WDR26: variants seen among roughly 807,000 people sequenced by gnomAD.
WDR26 encodes the protein WD repeat-containing protein 26.
In WDR26, 5 loss-of-function variants were observed where a neutral mutation model predicts 84.1. The ratio of observed to expected loss-of-function variants is 0.06; its 90% confidence interval spans 0.03 to 0.13. WDR26 has a LOEUF of 0.13. WDR26 is among the 10% of genes least tolerant of loss of function. WDR26 has a pLI of 1.00. For missense variants in WDR26, 642 were observed against 974.9 expected (o/e 0.66, Z 4.55); for synonymous variants, 415 against 389.6 (o/e 1.07, Z -0.77).
chr1:224,409,916 T>C (rs1411557973), intron 7 of WDR26, among the ~76,000 whole-genome samples: 6 of 152,126 alleles, frequency 3.9e-5, no homozygotes, highest in East Asian at 3.9e-4. Flanking sequence ...GCTCCCTTTT[T>C]CTATTTTTCT....
intron 4 of WDR26, among the ~76,000 whole-genome samples, chr1:224,423,607 A>T (rs2102918497): frequency 6.6e-6 from 1 of 152,268 alleles, no homozygotes; most frequent in Middle Eastern, 3.4e-3. Context: ...AATTAGCCAC[A>T]TGTGGTGGTA....
In WDR26 at chr1:224,389,372, C is replaced by T. The variant is rs1281184887; in HGVS notation, c.*463G>A. 3.5e-6 allele frequency: 1 copy of T among 289,176 alleles called. No individual in the cohort carries two copies. Among genetic ancestry groups the T allele is most frequent in the Non-Finnish European group, 6.3e-6 (1 of 158,308 alleles). 17.9% of individuals were successfully genotyped at this position (289,176 alleles called of 1,614,324 possible). On this transcript the variant is annotated 3_prime_UTR_variant, in exon 14 of 14. Transcript: ENST00000414423. ...AATAAGGCGGAAAGATTTGGAGAAACAAAAGAAGGAAATTCTTTCCTATCC... is the reference window on the plus strand; with the variant it reads ...AATAAGGCGGAAAGATTTGGAGAAATAAAAGAAGGAAATTCTTTCCTATCC...
intron 7 of WDR26, among the ~76,000 whole-genome samples, chr1:224,406,449 G>A (rs1187853359): frequency 6.6e-6 from 1 of 152,138 alleles, no homozygotes; most frequent in African/African-American, 2.4e-5. Flanking sequence ...AAAAAGTTGG[G>A]AACTAGTCTG....
chr1:224,406,325 A>G (rs1453605046), intron 7 of WDR26, among the ~76,000 whole-genome samples: 2 of 152,228 alleles, frequency 1.3e-5, no homozygotes, highest in Non-Finnish European at 2.9e-5. Context: ...GAATTTGACT[A>G]AAGGTGGGAA....
chr1:224,433,173 G>A (rs981708309), intron 1 of WDR26, among the ~76,000 whole-genome samples: 5 of 152,094 alleles, frequency 3.3e-5, no homozygotes, highest in Non-Finnish European at 5.9e-5. Flanking sequence ...ACACTTGTAG[G>A]TGATTGTCTT....
At chr1:224,397,147 T>G (rs371962134) in intron 12 of WDR26, among the ~76,000 whole-genome samples, 14 of 152,262 alleles carry the variant, frequency 9.2e-5, no homozygotes, top group African/African-American at 3.1e-4. Context: ...TAAAACCAGA[T>G]TCAGTATATA....
intron 1 of WDR26, 68 bp downstream of exon 1, chr1:224,433,616 T>TCCCCAAACCCCCCCCCCC: frequency 1.8e-6 from 1 of 557,420 alleles, no homozygotes; most frequent in South Asian, 2.9e-5. Flanking sequence ...CTCCGCCCCT[T>TCCCCAAACCCCCCCCCCC]CCCCTACCCC....
intron 9 of WDR26, 32 bp downstream of exon 9, chr1:224,400,916 AAC>A: frequency 6.2e-7 from 1 of 1,604,042 alleles, no homozygotes; most frequent in Non-Finnish European, 8.5e-7. Flanking sequence ...CTTTTAAACC[AAC>A]AGATACTGGG....
In WDR26 at chr1:224,389,892, G is replaced by A. The variant is rs778765988; in HGVS notation, c.2261-32C>T. Reference sequence around the variant, plus strand: ...GAAGACAAGATGAAATGTATGGGGGGCGGGCGGGGGAGGGAAGAGGGGAAG... The same window carrying A: ...GAAGACAAGATGAAATGTATGGGGGACGGGCGGGGGAGGGAAGAGGGGAAG... On this transcript the variant is annotated intron_variant, in intron 13 of 13. Coordinates refer to ENST00000414423, the MANE Select transcript of WDR26 (RefSeq NM_001379403.1). The A allele has an allele frequency of 8.8e-6, 12 of 1,367,168 alleles. 1 individual carries two copies. Among genetic ancestry groups the A allele is most frequent in the South Asian group, 6.9e-5 (5 of 72,186 alleles). The allele number at this position is 1,367,168 out of a possible 1,614,324, so 84.7% of individuals were successfully genotyped here.
chr1:224,419,524 G>A lies in WDR26; in HGVS notation c.1156C>T (p.Leu386Phe), dbSNP rs1168721651. Reference sequence around the variant, plus strand: ...AAAAAATTAAGACTCTTACTCTGAAGTTTATCCAATAGTTTAGATCGGGAA... The same window carrying A: ...AAAAAATTAAGACTCTTACTCTGAAATTTATCCAATAGTTTAGATCGGGAA... Residue 386 changes from leucine (L) to phenylalanine (F), a missense_variant, in exon 5 of 14, where the codon CTT becomes TTT. By Grantham distance (22) the Leu-to-Phe change is conservative. Transcript: ENST00000414423. 1 of 1,613,256 alleles carries A rather than the reference G, an allele frequency of 6.2e-7. No individual in the cohort carries two copies. The highest frequency in any genetic ancestry group is 8.5e-7 in the Non-Finnish European group (1 of 1,179,242).
chr1:224,433,798 G>A lies in WDR26; in HGVS notation c.608C>T (p.Ser203Phe), dbSNP rs1674492563. ...GCCCAGTTCTGGGGTGGCCAAGGAAGAGGAGGCGGCGGTGGTGGCGGAGGC... is the reference window on the plus strand; with the variant it reads ...GCCCAGTTCTGGGGTGGCCAAGGAAAAGGAGGCGGCGGTGGTGGCGGAGGC... The change falls in exon 1 of 14, where the codon TCT becomes TTT. Residue 203 changes from serine (S) to phenylalanine (F), a missense_variant. By Grantham distance (155) the Ser-to-Phe change is radical (BLOSUM62 -2). Around this residue, in one of 2 missense-constraint regions of WDR26, gnomAD observed 291 missense variants for 302.1 expected, o/e 0.96. Transcript: ENST00000414423. 1.3e-6 allele frequency: 2 copies of A among 1,536,876 alleles called. No individual in the cohort carries two copies. Among genetic ancestry groups the A allele is most frequent in the African/African-American group, 1.4e-5 (1 of 73,050 alleles).
At chr1:224,404,368 T>C (rs1673497205) in intron 8 of WDR26, 62 bp downstream of exon 8, 4 of 1,540,826 alleles carry the variant, frequency 2.6e-6, no homozygotes, top group Non-Finnish European at 3.5e-6. Context: ...AAAGTTATAA[T>C]GAATATGTAC....
intron 7 of WDR26, among the ~76,000 whole-genome samples, chr1:224,407,999 T>C (rs570537642): frequency 2.0e-5 from 3 of 152,350 alleles, no homozygotes; most frequent in East Asian, 3.9e-4. Context: ...CAAGCTAATC[T>C]GGCAACAAAA....
intron 3 of WDR26, chr1:224,430,035 G>C (rs1674340507): frequency 6.6e-6 from 1 of 152,046 alleles, no homozygotes; most frequent in African/African-American, 2.4e-5. Flanking sequence ...TTGCCCAATG[G>C]GAAAGCAACC....
chr1:224,397,569 T>A (rs1470289036), intron 12 of WDR26, among the ~76,000 whole-genome samples: 2 of 152,206 alleles, frequency 1.3e-5, no homozygotes, highest in Non-Finnish European at 2.9e-5. Flanking sequence ...GTAGGAAGAA[T>A]AATTTCAGCT....
At chr1:224,398,382 T>G in intron 11 of WDR26, 133 bp downstream of exon 11, 1 of 1,238,924 alleles carries the variant, frequency 8.1e-7, no homozygotes, top group Non-Finnish European at 1.1e-6. Context: ...TATACACATT[T>G]AAGGATCAAT....
Position 224,418,289 on chromosome 1 carries a change from C to A in WDR26, c.1290G>T (p.Val430=). The A allele has an allele frequency of 6.2e-7, 1 of 1,612,448 alleles. No homozygotes were observed. Among genetic ancestry groups the A allele is most frequent in the Non-Finnish European group, 8.5e-7 (1 of 1,179,390 alleles). ...TACAAACATGGTCTATAAGCAGAGACACAGAATCTAGATTATTATCAAGTT... is the reference window on the plus strand; with the variant it reads ...TACAAACATGGTCTATAAGCAGAGAAACAGAATCTAGATTATTATCAAGTT... Residue 430 remains valine (V), a synonymous_variant, in exon 6 of 14, where the codon GTG becomes GTT. Transcript: ENST00000414423.
Position 224,433,949 on chromosome 1 carries a change from G to A in WDR26, c.457C>T (p.Leu153=), listed in dbSNP as rs1471485917. 2 of 1,532,702 alleles carry A rather than the reference G, an allele frequency of 1.3e-6. No homozygotes were observed. The highest frequency in any genetic ancestry group is 1.7e-6 in the Non-Finnish European group (2 of 1,143,926). 94.9% of individuals were successfully genotyped at this position (1,532,702 alleles called of 1,614,324 possible). A position where few individuals can be genotyped will look rare whatever the true frequency, so the allele number is the denominator to read the frequency against. The change falls in exon 1 of 14, where the codon CTG becomes TTG. Residue 153 remains leucine (L), a synonymous_variant. Transcript: ENST00000414423. ...GGCAGGAGCCCATTGGCGTGGGCCA[G>A]GTCCCCCGCGGACGACGACGACGAG...
At chr1:224,427,081 C>A (rs1366842256) in intron 3 of WDR26, among the ~76,000 whole-genome samples, 1 of 122,108 alleles carries the variant, frequency 8.2e-6, no homozygotes, top group Non-Finnish European at 1.6e-5. Context: ...CTAGCCTGGG[C>A]AACGAGAGCA....
Sources: gnomAD v4.1 joint callset for allele counts (sites outside exome capture counted in the v4.1 genomes callset) on GRCh38, gnomAD v4.1.1 for gene constraint, gnomAD v4.1.1 regional missense constraint, MANE v1.5 for transcripts, NCBI Gene and HGNC (gene_info 2026-07-23, HGNC 2026-07-21) for gene names.